IL34: variants seen among roughly 807,000 people sequenced by gnomAD.
IL34 encodes interleukin-34.
Under a neutral mutation model 25.3 loss-of-function variants are expected in IL34, and 17 were observed. The ratio of observed to expected loss-of-function variants is 0.67; its 90% CI spans 0.46 to 1.01. The LOEUF (loss-of-function observed/expected upper bound fraction) is 1.01. Ranked by LOEUF, IL34 falls within the 50% of genes least tolerant of loss-of-function variation. The pLI, the probability that IL34 is intolerant of heterozygous loss-of-function variation, is 0.00. For missense variants in IL34, 368 were observed against 312.9 expected (o/e 1.18, Z -1.33); for synonymous variants, 174 against 140.9 (o/e 1.23, Z -1.66).
intron 1 of IL34, among the ~76,000 whole-genome samples, chr16:70,594,327 T>C (rs2050791482): frequency 6.6e-6 from 1 of 152,248 alleles, no homozygotes. Flanking sequence ...ACAGATCTTG[T>C]ACATATTTTG....
chr16:70,616,622 T>C lies in IL34; in HGVS notation c.-400-29926T>C, dbSNP rs555185810. Among the ~76,000 whole-genome samples, 8 of 152,280 alleles carry C rather than the reference T, an allele frequency of 5.3e-5. No individual in the cohort carries two copies. The South Asian group carries it at 8.3e-4, about 16-fold the overall frequency. ...CGTGCTGGATTATCATTAGTTCTTA[T>C]AGGTTTTGGGATAGGCGGTGAAGTT... On this transcript the variant is annotated intron_variant, in intron 1 of 6. Transcript: ENST00000429149.
At chr16:70,627,052 T>G (rs981634062) in intron 1 of IL34, among the ~76,000 whole-genome samples, 4 of 152,090 alleles carry the variant, frequency 2.6e-5, no homozygotes, top group Non-Finnish European at 5.9e-5. Flanking sequence ...GGTCTTGAAC[T>G]TCTGGACTCA....
At chr16:70,639,267 C>G (rs1388935375) in intron 1 of IL34, among the ~76,000 whole-genome samples, 1 of 152,110 alleles carries the variant, frequency 6.6e-6, no homozygotes, top group East Asian at 1.9e-4. Context: ...AAATGCACGT[C>G]CAGAACCCAG....
upstream of IL34, among the ~76,000 whole-genome samples, chr16:70,643,020 C>T (rs752794013): frequency 3.3e-5 from 5 of 152,018 alleles, no homozygotes; most frequent in African/African-American, 4.8e-5. Flanking sequence ...CAACTTAGTA[C>T]ACTAAAAACC....
intron 1 of IL34, among the ~76,000 whole-genome samples, chr16:70,652,586 T>G (rs956488613): frequency 6.6e-6 from 1 of 152,236 alleles, no homozygotes; most frequent in Non-Finnish European, 1.5e-5. Flanking sequence ...CACAGCCACA[T>G]CTTTGACAAT....
chr16:70,625,583 C>A (rs975805816), intron 1 of IL34, among the ~76,000 whole-genome samples: 2 of 152,128 alleles, frequency 1.3e-5, no homozygotes, highest in Non-Finnish European at 2.9e-5. Context: ...AGGACCAAGG[C>A]AGGCATCCCT....
intron 2 of IL34, 50 bp from the exon 3 acceptor site, chr16:70,656,552 G>T (rs1307399866): frequency 2.3e-6 from 2 of 887,748 alleles, no homozygotes; most frequent in African/African-American, 3.2e-5. Flanking sequence ...TGGGGAGCCT[G>T]CTGGTCATTT....
intron 4 of IL34, 49 bp from the exon 5 acceptor site, chr16:70,659,569 G>A: frequency 6.4e-7 from 1 of 1,559,580 alleles, no homozygotes; most frequent in Non-Finnish European, 8.7e-7. Flanking sequence ...GGCTCTCCTG[G>A]GGTGCGGCCC....
At chr16:70,654,152 G>A (rs1050746186) in intron 1 of IL34, 1 of 165,068 alleles carries the variant, frequency 6.1e-6, no homozygotes, top group Non-Finnish European at 1.3e-5. Context: ...TGAATGCCGG[G>A]CTGGAAAACC....
upstream of IL34, among the ~76,000 whole-genome samples, chr16:70,645,452 C>A (rs1231861384): frequency 1.3e-5 from 2 of 152,060 alleles, no homozygotes; most frequent in Non-Finnish European, 2.9e-5. Flanking sequence ...AGGGAGGAGG[C>A]GAGGGGATGG....
At chr16:70,643,983 CTTTTG>C (rs1385365591), upstream of IL34, among the ~76,000 whole-genome samples, 26 of 151,942 alleles carry the variant, frequency 1.7e-4, 1 homozygote, top group South Asian at 2.1e-3. Context: ...TCATTTTTTT[CTTTTG>C]TTTTGAGACA....
chr16:70,655,058 CT>C (rs201599880), intron 2 of IL34, among the ~76,000 whole-genome samples: 2,983 of 145,492 alleles, frequency 0.021, 31 homozygotes, highest in Middle Eastern at 0.053. Context: ...CTCTATGTAT[CT>C]TTTTTTTTTT....
chr16:70,659,490 T>C, intron 4 of IL34, 128 bp from the exon 5 acceptor site: 1 of 1,216,000 alleles, frequency 8.2e-7, no homozygotes, highest in Non-Finnish European at 1.1e-6. Flanking sequence ...CTATCCAGGC[T>C]CATGGTCACA....
chr16:70,607,677 G>A (rs545982849), intron 1 of IL34, among the ~76,000 whole-genome samples: 35 of 152,242 alleles, frequency 2.3e-4, no homozygotes, highest in Non-Finnish European at 4.6e-4. Context: ...AATTGGCTGA[G>A]TGTTTTTATT....
In IL34 at chr16:70,657,412, T is replaced by C. The variant is rs2052260130; in HGVS notation, c.402+291T>C. ...GGATCCTGGGCAAGTCATCGTACCC[T>C]CTTTGTTTCTGCAACACGAGGGTCC... On this transcript the variant is annotated intron_variant, in intron 4 of 5. Transcript: ENST00000288098. 5 of 343,928 alleles carry C rather than the reference T, an allele frequency of 1.5e-5. 1 individual carries two copies. In the South Asian group the frequency reaches 2.6e-4, roughly 18 times the overall value. The allele number at this position is 343,928 out of a possible 1,614,324, so 21.3% of individuals were successfully genotyped here.
At chr16:70,656,562 T>C in intron 2 of IL34, 40 bp from the exon 3 acceptor site, 1 of 914,370 alleles carries the variant, frequency 1.1e-6, no homozygotes, top group Non-Finnish European at 1.9e-6. Context: ...GCTGGTCATT[T>C]CTACTTCTGG....
At position 70,619,675 on chromosome 16, in the gene IL34, A is replaced by G. The variant is rs71384767; in HGVS notation, c.-400-26873A>G. 5.9e-3 allele frequency among the ~76,000 whole-genome samples: 900 copies of G among 152,250 alleles called. 7 individuals carry two copies. The highest frequency in any genetic ancestry group is 0.017 in the Middle Eastern group (5 of 294). On this transcript the variant is annotated intron_variant, in intron 1 of 6. Coordinates refer to the IL34 transcript ENST00000429149. ...CCACTGTGAGAGTTACTCGAAGCTCAGCGTCTGTGATGGTCTACAGGGCTT... is the reference window on the plus strand; with the variant it reads ...CCACTGTGAGAGTTACTCGAAGCTCGGCGTCTGTGATGGTCTACAGGGCTT...
In IL34 at chr16:70,658,572, C is replaced by T. The variant is rs145036920; in HGVS notation, c.403-1046C>T. ...TCTTGGCTCACTGCAACCTCCGTCT[C>T]CCAGGTTCAAGCAATTCTCCTGCCT... On this transcript the variant is annotated intron_variant, in intron 4 of 5. Transcript: ENST00000288098. 2.7e-3 allele frequency among the ~76,000 whole-genome samples: 404 copies of T among 152,108 alleles called. 3 individuals carry two copies. The highest frequency in any genetic ancestry group is 0.017 in the Middle Eastern group (5 of 294).
At chr16:70,583,293 A>C (rs2050655367) in intron 1 of IL34, among the ~76,000 whole-genome samples, 1 of 151,764 alleles carries the variant, frequency 6.6e-6, no homozygotes, top group East Asian at 2.0e-4. Context: ...TTGTATTTTT[A>C]GTAGAGATGG....
Sources: gnomAD v4.1 joint callset for allele counts (sites outside exome capture counted in the v4.1 genomes callset) on GRCh38, gnomAD v4.1.1 for gene constraint, MANE v1.5 for transcripts, NCBI Gene and HGNC (gene_info 2026-07-23, HGNC 2026-07-21) for gene names.